CUEDC1: variants seen among roughly 807,000 people sequenced by gnomAD.
CUEDC1 encodes the protein CUE domain containing 1.
Under a neutral mutation model 43.7 loss-of-function variants are expected in CUEDC1, and 30 were observed. The observed-to-expected ratio is 0.69, with a 90% CI of 0.51 to 0.93. The LOEUF (loss-of-function observed/expected upper bound fraction) is 0.93, where lower values mean the gene tolerates loss of function less well. CUEDC1 is among the 40% of genes least tolerant of loss of function. The pLI, the probability that CUEDC1 is intolerant of heterozygous loss-of-function variation, is 0.00. For synonymous variants in CUEDC1, 223 were observed against 223.6 expected, an observed-to-expected ratio of 1.00 and a Z score of 0.02; for missense variants, 486 against 549.0, an observed-to-expected ratio of 0.89 and a Z score of 1.15.
chr17:57,932,810 C>G (rs149445393), intron 1 of CUEDC1, among the ~76,000 whole-genome samples: 6 of 150,882 alleles, frequency 4.0e-5, no homozygotes, highest in African/African-American at 1.5e-4. Flanking sequence ...TGCAGTGAGC[C>G]GAGATTGTGC....
At chr17:57,875,813 C>T (rs1352719145) in intron 3 of CUEDC1, among the ~76,000 whole-genome samples, 1 of 152,106 alleles carries the variant, frequency 6.6e-6, no homozygotes, top group Non-Finnish European at 1.5e-5. Flanking sequence ...CATGGAACAT[C>T]AGACCTGATG....
At chr17:57,882,509 G>C (rs779510318) in intron 2 of CUEDC1, among the ~76,000 whole-genome samples, 1 of 152,184 alleles carries the variant, frequency 6.6e-6, no homozygotes, top group African/African-American at 2.4e-5. Flanking sequence ...GGGCAAATCA[G>C]ACTGCAGAAA....
intron 1 of CUEDC1, among the ~76,000 whole-genome samples, chr17:57,927,626 C>T (rs2074761307): frequency 1.3e-5 from 2 of 152,180 alleles, no homozygotes; most frequent in African/African-American, 4.8e-5. Flanking sequence ...CCAAAGCTCC[C>T]AACCCCTCAA....
intron 7 of CUEDC1, chr17:57,868,503 G>A (rs2073991806): frequency 1.9e-6 from 1 of 520,202 alleles, no homozygotes; most frequent in South Asian, 2.2e-5. Flanking sequence ...GGGACCGCAG[G>A]CGGCTCAAGA....
intron 10 of CUEDC1, among the ~76,000 whole-genome samples, 163 bp downstream of exon 10, chr17:57,866,311 C>T (rs978951969): frequency 5.9e-5 from 9 of 152,214 alleles, no homozygotes; most frequent in African/African-American, 1.7e-4. Context: ...CTAGTTCCCA[C>T]GCCCGTGTCC....
At chr17:57,878,510 AG>A (rs1014672025) in intron 3 of CUEDC1, among the ~76,000 whole-genome samples, 3 of 151,950 alleles carry the variant, frequency 2.0e-5, no homozygotes, top group Admixed American at 1.3e-4. Context: ...TCACCACTCC[AG>A]GCCTGAGCCA....
chr17:57,906,590 T>G (rs2074531663), intron 1 of CUEDC1, among the ~76,000 whole-genome samples: 1 of 152,212 alleles, frequency 6.6e-6, no homozygotes, highest in Admixed American at 6.5e-5. Flanking sequence ...AATTATACGC[T>G]TAAAAATGGT....
rs572489395 is a variant in CUEDC1, at chr17:57,890,244, T to C, written c.-315-4365A>G. On this transcript the variant is annotated intron_variant, in intron 1 of 10. Transcript: ENST00000577830. ...CTATGAGCCAAGGAGCATAAGAAAT[T>C]CAGCCATGTGTGCCCCAGGCTCAGG... 1.5e-3 allele frequency among the ~76,000 whole-genome samples: 231 copies of C among 152,266 alleles called. 3 individuals carry two copies. Among genetic ancestry groups the C allele is most frequent in the Non-Finnish European group, 4.0e-4 (27 of 67,996 alleles).
rs577923823 is a variant in CUEDC1 at position 57,917,913 on chromosome 17, C to A, written c.-315-32034G>T. Among the ~76,000 whole-genome samples, 24 of 152,308 alleles carry A rather than the reference C, an allele frequency of 1.6e-4. No individual in the cohort carries two copies. The South Asian group carries it at 5.0e-3, about 32-fold the overall frequency. On this transcript the variant is annotated intron_variant, in intron 1 of 10. Transcript: ENST00000577830. ...TGCCTCCACTAGGAATGCCAGCTGGCTTTTTTGGTGGGGTACATGGACTGC... is the reference window on the plus strand; with the variant it reads ...TGCCTCCACTAGGAATGCCAGCTGGATTTTTTGGTGGGGTACATGGACTGC...
Position 57,872,675 on chromosome 17 carries a change from C to A in CUEDC1, c.772G>T (p.Ala258Ser). 6.2e-7 allele frequency: 1 copy of A among 1,613,994 alleles called. No homozygotes were observed. The highest frequency in any genetic ancestry group is 2.2e-5 in the East Asian group (1 of 44,876). The change falls in exon 5 of 11, where the codon GCT (alanine) becomes TCT (serine). Residue 258 changes from alanine to serine, a missense_variant. By Grantham distance (99) the Ala-to-Ser change is moderately conservative. Transcript: ENST00000577830. Reference protein sequence around the residue: ...ELQRNRDFLLALERDRLKYES... With the variant: ...ELQRNRDFLLSLERDRLKYES... ...AGGCGCTGCCCACCTCTCTCCAGAG[C>A]GAGGAGGAAGTCGCGGTTCCGTTGC...
At chr17:57,863,549 A>G (rs73329834) in intron 10 of CUEDC1, among the ~76,000 whole-genome samples, 35,178 of 152,080 alleles carry the variant, frequency 0.23, 4,638 homozygotes, top group Non-Finnish European at 0.31. Flanking sequence ...GGGGTGAAGC[A>G]GCTGTAGGGG....
intron 1 of CUEDC1, among the ~76,000 whole-genome samples, chr17:57,898,972 G>A (rs2074441842): frequency 1.3e-5 from 2 of 152,198 alleles, no homozygotes; most frequent in South Asian, 4.1e-4. Flanking sequence ...CCAAGGGAGG[G>A]GCTCCATGGG....
intron 6 of CUEDC1, 121 bp downstream of exon 6, chr17:57,871,165 C>A (rs904377163): frequency 1.6e-5 from 13 of 803,612 alleles, no homozygotes; most frequent in Non-Finnish European, 2.6e-5. Flanking sequence ...CTGAGGAGGC[C>A]CAGGCCCCCT....
intron 2 of CUEDC1, among the ~76,000 whole-genome samples, chr17:57,883,821 A>G (rs1208333507): frequency 6.6e-6 from 1 of 152,206 alleles, no homozygotes; most frequent in Non-Finnish European, 1.5e-5. Flanking sequence ...GAGTGGAGTT[A>G]AATCCTGCTG....
chr17:57,949,524 C>G, intron 1 of CUEDC1, among the ~76,000 whole-genome samples: 1 of 151,416 alleles, frequency 6.6e-6, no homozygotes, highest in Admixed American at 6.6e-5. Flanking sequence ...CCTCCCCCAC[C>G]ACGACCACCC....
chr17:57,887,960 G>T (rs1254863261), intron 1 of CUEDC1, among the ~76,000 whole-genome samples: 1 of 144,506 alleles, frequency 6.9e-6, no homozygotes, highest in Non-Finnish European at 1.5e-5. Flanking sequence ...GAGTGCAGTG[G>T]CGTGATCTTG....
intron 1 of CUEDC1, among the ~76,000 whole-genome samples, chr17:57,938,347 G>A (rs978678646): frequency 2.0e-5 from 3 of 152,208 alleles, no homozygotes; most frequent in African/African-American, 7.2e-5. Context: ...GCAATGCCCT[G>A]TGCTGGCCCC....
At chr17:57,942,921 G>T (rs1447540317) in intron 1 of CUEDC1, among the ~76,000 whole-genome samples, 1 of 151,860 alleles carries the variant, frequency 6.6e-6, no homozygotes, top group Non-Finnish European at 1.5e-5. Context: ...CCAGCTACTC[G>T]GGAGGCTGAG....
intron 1 of CUEDC1, among the ~76,000 whole-genome samples, chr17:57,918,011 C>T (rs549158688): frequency 1.3e-5 from 2 of 150,702 alleles, no homozygotes; most frequent in African/African-American, 4.9e-5. Flanking sequence ...GAGTGTGAGC[C>T]CCTGCTGTCT....
Sources: allele counts gnomAD v4.1 joint callset (sites outside exome capture counted in the v4.1 genomes callset), GRCh38; gene constraint gnomAD v4.1.1; transcripts MANE v1.5; gene names NCBI Gene and HGNC (gene_info 2026-07-23, HGNC 2026-07-21).